Variants in SLC4A5 observed in about 807,000 individuals in gnomAD.
The protein encoded by SLC4A5 is electrogenic sodium bicarbonate cotransporter 4.
Under a neutral mutation model 120.4 loss-of-function variants are expected in SLC4A5, and 96 were observed. That is an observed-to-expected ratio of 0.80 (90% CI 0.68 to 0.94). SLC4A5 has a LOEUF of 0.94. Among genes scored for constraint, SLC4A5 ranks in the 40% least tolerant of loss-of-function variants. The probability of loss-of-function intolerance (pLI) is 0.00; values close to 1 mark genes in which losing one functional copy is unlikely to be tolerated. For synonymous variants in SLC4A5, 550 were observed against 571.1 expected, an observed-to-expected ratio of 0.96 and a Z score of 0.53; for missense variants, 1,259 against 1,459.5, an observed-to-expected ratio of 0.86 and a Z score of 2.24.
At chr2:74,327,391 C>T (rs1018378699) in intron 5 of SLC4A5, among the ~76,000 whole-genome samples, 9 of 152,146 alleles carry the variant, frequency 5.9e-5, no homozygotes, top group Admixed American at 1.3e-4. Context: ...TGAACTGAAT[C>T]GACAAGAATG....
At chr2:74,245,852 T>C (rs1163986236) in intron 19 of SLC4A5, among the ~76,000 whole-genome samples, 2 of 152,242 alleles carry the variant, frequency 1.3e-5, no homozygotes, top group East Asian at 3.8e-4. Flanking sequence ...ACTATCCACT[T>C]ATTTCCTTCA....
At chr2:74,267,256 T>C (rs1671334996) in intron 8 of SLC4A5, among the ~76,000 whole-genome samples, 1 of 152,202 alleles carries the variant, frequency 6.6e-6, no homozygotes, top group Admixed American at 6.5e-5. Context: ...TGTTTCAACA[T>C]TCAGTGTGCA....
intron 8 of SLC4A5, among the ~76,000 whole-genome samples, chr2:74,267,433 G>A (rs1024069193): frequency 6.6e-6 from 1 of 152,190 alleles, no homozygotes; most frequent in African/African-American, 2.4e-5. Context: ...CATCAATTCT[G>A]TATGTCCATG....
intron 7 of SLC4A5, chr2:74,290,674 T>C (rs1400438890): frequency 4.2e-6 from 4 of 950,286 alleles, no homozygotes; most frequent in Non-Finnish European, 4.9e-6. Flanking sequence ...GAGAGAGAAG[T>C]GAGAGGGTGA....
intron 7 of SLC4A5, among the ~76,000 whole-genome samples, chr2:74,302,251 A>G (rs1033596218): frequency 6.6e-6 from 1 of 152,310 alleles, no homozygotes; most frequent in South Asian, 2.1e-4. Context: ...TGTCGGGAAC[A>G]AGCCAGTAAC....
At chr2:74,340,435 T>A (rs1418978434) in intron 2 of SLC4A5, among the ~76,000 whole-genome samples, 2 of 152,048 alleles carry the variant, frequency 1.3e-5, no homozygotes, top group Non-Finnish European at 2.9e-5. Flanking sequence ...TGAGCAGCGA[T>A]GAAAGGCTGA....
chr2:74,337,003 T>C (rs1374189717), intron 3 of SLC4A5, among the ~76,000 whole-genome samples: 1 of 152,086 alleles, frequency 6.6e-6, no homozygotes, highest in Non-Finnish European at 1.5e-5. Context: ...GAGAAAATGG[T>C]CATGAGAAAG....
intron 5 of SLC4A5, 67 bp from the exon 6 acceptor site, chr2:74,315,092 T>C (rs1672923414): frequency 2.3e-6 from 3 of 1,320,628 alleles, no homozygotes; most frequent in Non-Finnish European, 2.2e-6. Flanking sequence ...CAAGGAGAAA[T>C]GGTCAAATCC....
Position 74,304,473 on chromosome 2 carries a change from C to T in SLC4A5, c.271+16G>A, listed in dbSNP as rs746291179. ...AGCAGGATGGCTCCCCAGAATGTAC[C>T]CCTCAAGGAACTCACGAGTCCTGCT... On this transcript the variant is annotated intron_variant, in intron 7 of 30. Transcript: ENST00000394019. The T allele has an allele frequency of 2.5e-6, 4 of 1,593,884 alleles. No homozygotes were observed. In the South Asian group the frequency reaches 4.5e-5, roughly 18 times the overall value.
chr2:74,288,848 C>A (rs888436866), intron 7 of SLC4A5, among the ~76,000 whole-genome samples: 1 of 152,200 alleles, frequency 6.6e-6, no homozygotes, highest in African/African-American at 2.4e-5. Flanking sequence ...TCAACCCAGC[C>A]CTGCTCTCCT....
intron 8 of SLC4A5, among the ~76,000 whole-genome samples, chr2:74,285,267 G>A (rs73948735): frequency 0.024 from 3,659 of 152,136 alleles, 138 homozygotes; most frequent in African/African-American, 0.08. Context: ...CAACAACAAC[G>A]AGAAGAATGC....
intron 7 of SLC4A5, chr2:74,290,209 A>G (rs945779256): frequency 2.0e-6 from 2 of 985,518 alleles, no homozygotes; most frequent in Non-Finnish European, 1.2e-6. Flanking sequence ...ACAGGCAGAG[A>G]GCAGGATGCA....
At chr2:74,258,060 C>T (rs1253932534) in intron 12 of SLC4A5, among the ~76,000 whole-genome samples, 1 of 152,198 alleles carries the variant, frequency 6.6e-6, no homozygotes, top group African/African-American at 2.4e-5. Context: ...ATAACCAGGG[C>T]CCTGCTGACT....
chr2:74,241,408 G>A (rs978663618), intron 20 of SLC4A5, among the ~76,000 whole-genome samples: 1 of 151,570 alleles, frequency 6.6e-6, no homozygotes, highest in South Asian at 2.1e-4. Flanking sequence ...TGGGATTACA[G>A]GTGTGTACCA....
At chr2:74,309,266 A>G (rs373504258) in intron 6 of SLC4A5, among the ~76,000 whole-genome samples, 8 of 151,838 alleles carry the variant, frequency 5.3e-5, no homozygotes, top group East Asian at 3.9e-4. Flanking sequence ...TTATTCCATC[A>G]CCATTTGCTG....
At position 74,271,127 on chromosome 2, in the gene SLC4A5, A is replaced by G. The variant is rs191736104; in HGVS notation, c.402-5863T>C. Among the ~76,000 whole-genome samples the G allele has an allele frequency of 1.7e-3, 256 of 152,308 alleles. 1 individual carries two copies. The highest frequency in any genetic ancestry group is 6.0e-3 in the African/African-American group (251 of 41,570). On this transcript the variant is annotated intron_variant, in intron 8 of 30. Transcript: ENST00000394019. ...TGAGGTCAAAGATTCTACATTTCTA[A>G]TAAGCTCCTAGGTGTGCTCATGCTG...
At chr2:74,263,180 C>T (rs1008979112) in intron 10 of SLC4A5, among the ~76,000 whole-genome samples, 13 of 152,236 alleles carry the variant, frequency 8.5e-5, no homozygotes, top group African/African-American at 3.1e-4. Flanking sequence ...GCTGGGACTA[C>T]AGGTGTGTGC....
chr2:74,311,419 C>G lies in SLC4A5; in HGVS notation c.79+3526G>C, dbSNP rs567285579. Among the ~76,000 whole-genome samples the G allele has an allele frequency of 5.9e-5, 9 of 152,128 alleles. No individual in the cohort carries two copies. In the South Asian group the frequency reaches 1.9e-3, roughly 32 times the overall value. On this transcript the variant is annotated intron_variant, in intron 6 of 30. Transcript: ENST00000394019. Reference sequence around the variant, plus strand: ...GTTGCTTTTAGATCTTTCTTCTTTTCTAATATATGCATTTAATGTTATTCA... The same window carrying G: ...GTTGCTTTTAGATCTTTCTTCTTTTGTAATATATGCATTTAATGTTATTCA...
chr2:74,287,540 T>C (rs758699), intron 7 of SLC4A5, among the ~76,000 whole-genome samples: 53,401 of 151,926 alleles, frequency 0.35, 13,901 homozygotes, highest in East Asian at 0.78. Context: ...AACACCCACA[T>C]CCAGGCCCAT....
Sources: allele counts gnomAD v4.1 joint callset (sites outside exome capture counted in the v4.1 genomes callset), GRCh38; gene constraint gnomAD v4.1.1; transcripts MANE v1.5; gene names NCBI Gene and HGNC (gene_info 2026-07-23, HGNC 2026-07-21).